The following FNIP2 variants were observed in gnomAD, a reference collection of about 807,000 sequenced individuals.
FNIP2 encodes folliculin-interacting protein 2.
A neutral mutation model predicts 108.7 loss-of-function variants in FNIP2; 32 were observed. That is an observed-to-expected ratio of 0.29 (90% CI 0.22 to 0.40). The LOEUF is 0.40. Ranked by LOEUF, FNIP2 falls within the 10% of genes least tolerant of loss-of-function variation. FNIP2 has a pLI of 1.00. For missense variants in FNIP2, 1,202 were observed against 1,381.6 expected, an observed-to-expected ratio of 0.87 and a Z score of 2.06; for synonymous variants, 480 against 496.7, an observed-to-expected ratio of 0.97 and a Z score of 0.45.
intron 1 of FNIP2, among the ~76,000 whole-genome samples, chr4:158,774,014 CACAAA>C (rs1223547569): frequency 3.3e-5 from 5 of 152,184 alleles, no homozygotes; most frequent in Middle Eastern, 3.4e-3. Flanking sequence ...TACACAGACA[CACAAA>C]ACAAAAGAAA....
chr4:158,847,661 T>C (rs1346456090), intron 7 of FNIP2, among the ~76,000 whole-genome samples: 4 of 152,068 alleles, frequency 2.6e-5, no homozygotes, highest in Non-Finnish European at 5.9e-5. Flanking sequence ...CGGTACCAGG[T>C]TGGCCATAGT....
At position 158,899,896 on chromosome 4, in the gene FNIP2, AT is replaced by A. The variant is rs1176948537; in HGVS notation, c.3266+4034del. 5.9e-5 allele frequency among the ~76,000 whole-genome samples: 9 copies of A among 151,948 alleles called. No homozygotes were observed. In the East Asian group the frequency reaches 1.7e-3, roughly 29 times the overall value. On this transcript the variant is annotated intron_variant, in intron 16 of 16. Transcript: ENST00000264433. ...TTTCTTGTCTTCTGCTAGCTTTTGA[AT>A]TTGTTTGCTCTTGCTTCTCTAGTTC...
intron 6 of FNIP2, 86 bp downstream of exon 6, chr4:158,833,714 T>C (rs758239433): frequency 2.3e-6 from 2 of 863,552 alleles, no homozygotes; most frequent in South Asian, 1.9e-5. Flanking sequence ...TTGTCGTGGG[T>C]TTTTTTTTTT....
chr4:158,895,961 G>A, intron 16 of FNIP2, 96 bp downstream of exon 16: 1 of 869,040 alleles, frequency 1.2e-6, no homozygotes, highest in South Asian at 1.5e-5. Flanking sequence ...TAAACCTCAG[G>A]CCCTGGTAAC....
At chr4:158,829,385 C>T (rs1305106459) in intron 3 of FNIP2, among the ~76,000 whole-genome samples, 160 bp downstream of exon 3, 2 of 152,092 alleles carry the variant, frequency 1.3e-5, no homozygotes, top group Non-Finnish European at 2.9e-5. Context: ...GTTGTTTTTG[C>T]TCTTTGGCTT....
chr4:158,847,057 C>G (rs1165506590), intron 7 of FNIP2, among the ~76,000 whole-genome samples: 1 of 152,192 alleles, frequency 6.6e-6, no homozygotes, highest in Non-Finnish European at 1.5e-5. Context: ...TTACTCCAGC[C>G]CTAGCCAGAA....
rs780486079 is a variant in FNIP2 at position 158,859,624 on chromosome 4, A to C, written c.1106A>C (p.Gln369Pro). 3 of 1,613,646 alleles carry C rather than the reference A, an allele frequency of 1.9e-6. No homozygotes were observed. The highest frequency in any genetic ancestry group is 2.5e-6 in the Non-Finnish European group (3 of 1,179,730). ...RKIAESSLRV[Q>P]FYVSRLMEAL... ...ATAGCAGAATCAAGTCTCCGAGTCC[A>C]GTTTTATGTCAGCCGTTTGATGGAA... The change falls in exon 10 of 17, where the codon CAG becomes CCG. Residue 369 changes from glutamine to proline, a missense_variant. Coordinates refer to ENST00000264433, the MANE Select transcript of FNIP2 (RefSeq NM_020840.3).
At chr4:158,800,510 G>T (rs1776725785) in intron 1 of FNIP2, among the ~76,000 whole-genome samples, 1 of 152,076 alleles carries the variant, frequency 6.6e-6, no homozygotes. Context: ...TTAAAATAAA[G>T]CTTGCAGAAT....
chr4:158,832,048 C>T lies in FNIP2; in HGVS notation c.483-19C>T. ...ACTCATAAATTTATTTTTCCCCTCTCCTTTTTTCCCCTCCACAGTTCTCCT... is the reference window on the plus strand; with the variant it reads ...ACTCATAAATTTATTTTTCCCCTCTTCTTTTTTCCCCTCCACAGTTCTCCT... On this transcript the variant is annotated intron_variant, in intron 4 of 16. Transcript: ENST00000264433. 1 of 1,611,686 alleles carries T rather than the reference C, an allele frequency of 6.2e-7. No individual in the cohort carries two copies. The highest frequency in any genetic ancestry group is 8.5e-7 in the Non-Finnish European group (1 of 1,178,174).
chr4:158,869,146 C>T lies in FNIP2; in HGVS notation c.2510C>T (p.Thr837Ile), dbSNP rs369195547. Residue 837 changes from threonine to isoleucine, a missense_variant, in exon 13 of 17, where the codon ACT becomes ATT. Transcript: ENST00000264433. ...GGTGGRRLEATRGLYVKAAEG... is the reference protein window; with the variant it reads ...GGTGGRRLEAIRGLYVKAAEG... ...ACGGGAGGGAGGAGGCTGGAGGCCACTAGAGGTTTGTATGTGAAGGCTGCG... is the reference window on the plus strand; with the variant it reads ...ACGGGAGGGAGGAGGCTGGAGGCCATTAGAGGTTTGTATGTGAAGGCTGCG... The T allele has an allele frequency of 1.5e-5, 25 of 1,613,888 alleles. No individual in the cohort carries two copies. In the African/African-American group the frequency reaches 2.9e-4, roughly 19 times the overall value.
rs185882603 is a variant in FNIP2, at chr4:158,898,237, G to A, written c.3266+2372G>A. 7.9e-5 allele frequency among the ~76,000 whole-genome samples: 12 copies of A among 152,242 alleles called. No homozygotes were observed. The East Asian group carries it at 1.9e-3, about 24-fold the overall frequency. The stretch of plus-strand genomic sequence containing the variant: ...CCAATACCGTGCTGTTTTGGTTACC[G>A]TAGCCTTGTTGTATAGTTTGAAGGC... On this transcript the variant is annotated intron_variant, in intron 16 of 16. Coordinates refer to ENST00000264433, the MANE Select transcript of FNIP2 (RefSeq NM_020840.3).
intron 14 of FNIP2, among the ~76,000 whole-genome samples, chr4:158,881,097 A>T (rs1028541608): frequency 6.6e-6 from 1 of 152,230 alleles, no homozygotes; most frequent in African/African-American, 2.4e-5. Context: ...GTACAGTTTA[A>T]TAAATGTATT....
At chr4:158,830,735 C>T (rs1220996783) in intron 3 of FNIP2, among the ~76,000 whole-genome samples, 1 of 152,180 alleles carries the variant, frequency 6.6e-6, no homozygotes, top group East Asian at 1.9e-4. Context: ...GTGGAAAGCA[C>T]ACTGACAGAG....
chr4:158,794,980 TTTATTCA>T (rs1776540327), intron 1 of FNIP2, among the ~76,000 whole-genome samples: 6 of 152,218 alleles, frequency 3.9e-5, no homozygotes, highest in Non-Finnish European at 8.8e-5. Context: ...CTAAGAGAAG[TTTATTCA>T]TTTTCCTTGG....
chr4:158,883,547 TG>T (rs368826962), intron 14 of FNIP2, among the ~76,000 whole-genome samples: 1 of 152,328 alleles, frequency 6.6e-6, no homozygotes, highest in African/African-American at 2.4e-5. Context: ...AGCCTCCCTT[TG>T]TGTTTTAAAG....
At chr4:158,831,202 T>C (rs1361020754) in intron 3 of FNIP2, among the ~76,000 whole-genome samples, 3 of 152,124 alleles carry the variant, frequency 2.0e-5, no homozygotes, top group Non-Finnish European at 2.9e-5. Flanking sequence ...ATTGGAGCAG[T>C]TGAACTAGTT....
At chr4:158,858,680 G>A (rs1780121574) in intron 8 of FNIP2, among the ~76,000 whole-genome samples, 1 of 152,250 alleles carries the variant, frequency 6.6e-6, no homozygotes, top group East Asian at 1.9e-4. Flanking sequence ...AGAATACCAC[G>A]TAGTATCATT....
intron 1 of FNIP2, among the ~76,000 whole-genome samples, chr4:158,811,597 G>C (rs1777276159): frequency 6.6e-6 from 1 of 152,028 alleles, no homozygotes; most frequent in Non-Finnish European, 1.5e-5. Context: ...TGTTTCCTGA[G>C]CCTCAACTTC....
At chr4:158,866,636 C>T (rs550159846) in intron 12 of FNIP2, among the ~76,000 whole-genome samples, 1 of 151,580 alleles carries the variant, frequency 6.6e-6, no homozygotes, top group South Asian at 2.1e-4. Flanking sequence ...AGTGCGGTGG[C>T]GACACCTTGG....
Sources: gnomAD v4.1 joint callset for allele counts (sites outside exome capture counted in the v4.1 genomes callset) on GRCh38, gnomAD v4.1.1 for gene constraint, MANE v1.5 for transcripts, NCBI Gene and HGNC (gene_info 2026-07-23, HGNC 2026-07-21) for gene names.